The following MYH14 variants were observed in gnomAD, a reference collection of about 807,000 sequenced individuals.
MYH14 encodes myosin-14.
A neutral mutation model predicts 255.5 loss-of-function variants in MYH14; 123 were observed. That is an observed-to-expected ratio of 0.48 (90% CI 0.42 to 0.56). The LOEUF is 0.56. Ranked by LOEUF, MYH14 falls within the 20% of genes least tolerant of loss-of-function variation. The probability of loss-of-function intolerance (pLI) is 0.00; values close to 1 mark genes in which losing one functional copy is unlikely to be tolerated. For synonymous variants in MYH14, 1,095 were observed against 1,161.2 expected (o/e 0.94, Z 1.16); for missense variants, 2,423 against 2,802.3 (o/e 0.86, Z 3.06).
At chr19:50,248,788 A>G (rs1248088796) in intron 12 of MYH14, among the ~76,000 whole-genome samples, 199 bp from the exon 13 acceptor site, 7 of 152,222 alleles carry the variant, frequency 4.6e-5, no homozygotes, top group Non-Finnish European at 8.8e-5. Context: ...CGAGCCCGTC[A>G]TGTAGTACCT....
intron 10 of MYH14, among the ~76,000 whole-genome samples, chr19:50,241,614 G>T (rs1480549082): frequency 6.6e-6 from 1 of 151,332 alleles, no homozygotes; most frequent in East Asian, 1.9e-4. Context: ...TTACACAGTG[G>T]CTGTCCTCCT....
Position 50,281,657 on chromosome 19 carries a change from C to T in MYH14, c.4354C>T (p.Arg1452Trp), listed in dbSNP as rs777626365. The T allele has an allele frequency of 8.1e-6, 13 of 1,607,666 alleles. No individual in the cohort carries two copies. The Admixed American group carries it at 8.4e-5, about 10-fold the overall frequency. The change falls in exon 33 of 43, where the codon CGG becomes TGG. Residue 1452 changes from arginine to tryptophan, a missense_variant. Arg to Trp is a moderately radical substitution (Grantham distance 101). Transcript: ENST00000642316. The stretch of plus-strand genomic sequence containing the variant: ...GGCACTGGAGGCAGGGGAGGAGGCA[C>T]GGCGCCGGGCAGCCCGGGAGGCCGA... ...AGALEAGEEA[R>W]RRAAREAEAL...
At chr19:50,247,557 CATG>C (rs1252572507) in intron 12 of MYH14, among the ~76,000 whole-genome samples, 2 of 151,822 alleles carry the variant, frequency 1.3e-5, no homozygotes, top group Non-Finnish European at 2.9e-5. Flanking sequence ...GTAAATGCAA[CATG>C]GTATCCTAGA....
chr19:50,263,996 G>A (rs1236159956), intron 22 of MYH14, among the ~76,000 whole-genome samples: 2 of 139,104 alleles, frequency 1.4e-5, no homozygotes, highest in African/African-American at 5.4e-5. Flanking sequence ...GGTGGAGGTT[G>A]CAGTGAGCCA....
intron 33 of MYH14, 29 bp downstream of exon 33, chr19:50,281,871 G>A (rs768757884): frequency 1.2e-6 from 2 of 1,601,014 alleles, no homozygotes; most frequent in Non-Finnish European, 1.7e-6. Context: ...CCCAGCCGGG[G>A]AATCAGCAAG....
Position 50,281,628 on chromosome 19 carries a change from C to T in MYH14, c.4325C>T (p.Ala1442Val), listed in dbSNP as rs1254576629. 1 of 1,602,204 alleles carries T rather than the reference C, an allele frequency of 6.2e-7. No homozygotes were observed. The highest frequency in any genetic ancestry group is 8.5e-7 in the Non-Finnish European group (1 of 1,173,964). The stretch of plus-strand genomic sequence containing the variant: ...TGGCGGCGGCGCCAGGAGGAGGAGG[C>T]AGGGGCACTGGAGGCAGGGGAGGAG... ...SEWRRRQEEE[A>V]GALEAGEEAR... Residue 1442 changes from alanine (A) to valine (V), a missense_variant, in exon 33 of 43, where the codon GCA becomes GTA. Transcript: ENST00000642316.
rs372637743 is a variant in MYH14 at position 50,307,077 on chromosome 19, C to T, written c.5707C>T (p.Arg1903Cys). ...GCGCATCCTCTCTGGAAAGCTGGTG[C>T]GCAGAGCTGAGAAGCGGCTTAAAGA... ...RERILSGKLV[R>C]RAEKRLKEVV... is the part of the protein sequence containing the mutation. Residue 1903 changes from arginine (R) to cysteine (C), a missense_variant, in exon 41 of 43, where the codon CGC (arginine) becomes TGC (cysteine). By Grantham distance (180) the Arg-to-Cys change is radical. Transcript: ENST00000642316. 15 of 1,550,982 alleles carry T rather than the reference C, an allele frequency of 9.7e-6. No individual in the cohort carries two copies. Among genetic ancestry groups the T allele is most frequent in the Middle Eastern group, 1.7e-4 (1 of 5,938 alleles).
Position 50,207,256 on chromosome 19 carries a change from AAAGAGAGAGAGAGACAG to A in MYH14, c.-3-3105_-3-3089del, listed in dbSNP as rs1399055666. ...AGAAAAAAGAGAGAGAGAGAGAGAG[AAAGAGAGAGAGAGACAG>A]AGAGAGAGAGAGAGAGAGAGAGAGA... is the stretch of plus-strand genomic sequence containing the variant. On this transcript the variant is annotated intron_variant, in intron 1 of 42. Transcript: ENST00000642316. Among the ~76,000 whole-genome samples, 1,257 of 135,708 alleles carry A rather than the reference AAAGAGAGAGAGAGACAG, an allele frequency of 9.3e-3. 64 individuals are homozygous for A. The East Asian group carries it at 0.14, about 15-fold the overall frequency. 89.0% of individuals were successfully genotyped at this position (135,708 alleles called of 152,430 possible). A position where few individuals can be genotyped will look rare whatever the true frequency, so the allele number is the denominator to read the frequency against.
chr19:50,236,867 T>C (rs948055558), intron 10 of MYH14, among the ~76,000 whole-genome samples: 7 of 152,302 alleles, frequency 4.6e-5, no homozygotes, highest in African/African-American at 1.7e-4. Flanking sequence ...TGTGTATTCA[T>C]AGAGTTGTGC....
At chr19:50,219,059 T>C (rs2032661290) in intron 3 of MYH14, among the ~76,000 whole-genome samples, 1 of 142,564 alleles carries the variant, frequency 7.0e-6, no homozygotes, top group South Asian at 2.3e-4. Context: ...TCTCTCTATA[T>C]ATATATATAT....
rs2123407005 is a variant in MYH14 at position 50,276,588 on chromosome 19, C to T, written c.3681-169C>T. Among the ~76,000 whole-genome samples the T allele has an allele frequency of 6.6e-6, 1 of 152,220 alleles. No homozygotes were observed. Among genetic ancestry groups the T allele is most frequent in the Non-Finnish European group, 1.5e-5 (1 of 67,998 alleles). On this transcript the variant is annotated intron_variant, in intron 28 of 42. Transcript: ENST00000642316. The surrounding 1 kb of genome is among the most constrained non-coding windows in gnomAD (Gnocchi z 4.3). ...TTTGAAAGGTGAATAGGAGTTCACC[C>T]TTAAAGCCACACTCCTTCCACAGCA...
intron 7 of MYH14, 94 bp from the exon 8 acceptor site, chr19:50,226,809 C>T: frequency 1.7e-6 from 2 of 1,205,240 alleles, no homozygotes; most frequent in Non-Finnish European, 2.4e-6. Flanking sequence ...AGCCGCAGCT[C>T]TGGGAGCAGT....
At chr19:50,260,760 T>TAC in intron 20 of MYH14, 45 bp downstream of exon 20, 2 of 1,311,758 alleles carry the variant, frequency 1.5e-6, no homozygotes, top group South Asian at 1.2e-5. Context: ...TGTGTGTGTG[T>TAC]GCGTGCATGA....
rs2123423934 is a variant in MYH14, at chr19:50,281,734, G to T, written c.4431G>T (p.Glu1477Asp). The T allele has an allele frequency of 6.2e-7, 1 of 1,611,826 alleles. No homozygotes were observed. The highest frequency in any genetic ancestry group is 1.3e-5 in the African/African-American group (1 of 75,060). Residue 1477 changes from glutamate (E) to aspartate (D), a missense_variant, in exon 33 of 43, where the codon GAG becomes GAT. Coordinates refer to ENST00000642316, the MANE Select transcript of MYH14 (RefSeq NM_001145809.2). Reference protein sequence around the residue: ...AEKTETVDRLERGRRRLQQEL... With the variant: ...AEKTETVDRLDRGRRRLQQEL... The stretch of plus-strand genomic sequence containing the variant: ...AGACAGAGACCGTGGATCGGCTGGA[G>T]CGGGGCCGCCGCCGGCTGCAGCAGG...
At chr19:50,260,784 TGTGTGTGCATGCATATGTGTGCATGC>T (rs1194328195) in intron 20 of MYH14, 69 bp downstream of exon 20, 17 of 1,160,252 alleles carry the variant, frequency 1.5e-5, no homozygotes, top group Non-Finnish European at 2.0e-5. Context: ...TGCGTGCATG[TGTGTGTGCATGCATATGTGTGCATGC>T]GTGTGTGTGC....
At chr19:50,227,960 C>G (rs1785623914) in intron 8 of MYH14, among the ~76,000 whole-genome samples, 1 of 152,162 alleles carries the variant, frequency 6.6e-6, no homozygotes, top group South Asian at 2.1e-4. Flanking sequence ...ATAGCAGGCA[C>G]TCAAGAACAA....
chr19:50,217,606 C>A lies in MYH14; in HGVS notation c.406-9C>A, dbSNP rs1255632590. On this transcript the variant is annotated splice_polypyrimidine_tract_variant and intron_variant, in intron 2 of 42. Transcript: ENST00000642316. ...CATCTGAGACCCTCTCCCCTCTCAC[C>A]CACTGCAGACGTACTCCGGCCTTTT... 4 of 1,614,040 alleles carry A rather than the reference C, an allele frequency of 2.5e-6. No homozygotes were observed. The highest frequency in any genetic ancestry group is 3.4e-6 in the Non-Finnish European group (4 of 1,179,910).
rs189501199 is a variant in MYH14 at position 50,278,380 on chromosome 19, C to T, written c.4032+91C>T. On this transcript the variant is annotated intron_variant, in intron 30 of 42. Transcript: ENST00000642316. ...GGCTTCTATTTGGTCCATATCAAACCAATTGTCTCGTTTGGCTCTTCCAAC... is the reference window on the plus strand; with the variant it reads ...GGCTTCTATTTGGTCCATATCAAACTAATTGTCTCGTTTGGCTCTTCCAAC... 3.2e-4 allele frequency: 303 copies of T among 940,318 alleles called. 4 individuals carry two copies. The South Asian group carries it at 5.5e-3, about 17-fold the overall frequency. The allele number at this position is 940,318 out of a possible 1,614,324, so 58.2% of individuals were successfully genotyped here. A position where few individuals can be genotyped will look rare whatever the true frequency, so the allele number is the denominator to read the frequency against.
intron 14 of MYH14, 84 bp downstream of exon 14, chr19:50,249,907 C>T: frequency 6.5e-7 from 1 of 1,533,362 alleles, no homozygotes; most frequent in South Asian, 1.2e-5. Context: ...CTAGCTCCTC[C>T]TCTGCTGGGC....
Sources: allele counts gnomAD v4.1 joint callset (sites outside exome capture counted in the v4.1 genomes callset), GRCh38; gene constraint gnomAD v4.1.1; non-coding constraint Gnocchi (gnomAD v3.1); transcripts MANE v1.5; gene names NCBI Gene and HGNC (gene_info 2026-07-23, HGNC 2026-07-21).